The following TBCK variants were observed in gnomAD, a reference collection of about 807,000 sequenced individuals.
The protein encoded by TBCK is TBC domain-containing protein kinase-like protein.
A neutral mutation model predicts 113.4 loss-of-function variants in TBCK; 99 were observed. The ratio of observed to expected loss-of-function variants is 0.87; its 90% CI spans 0.74 to 1.03. The LOEUF is 1.03. Among genes scored for constraint, TBCK ranks in the 50% least tolerant of loss-of-function variants. The pLI, the probability that TBCK is intolerant of heterozygous loss-of-function variation, is 0.00. For synonymous variants in TBCK, 369 were observed against 370.8 expected, an observed-to-expected ratio of 1.00 and a Z score of 0.05; for missense variants, 1,045 against 1,061.3, an observed-to-expected ratio of 0.98 and a Z score of 0.21.
chr4:106,274,542 A>G (rs1763814037), intron 3 of TBCK, among the ~76,000 whole-genome samples: 2 of 152,222 alleles, frequency 1.3e-5, no homozygotes, highest in Non-Finnish European at 2.9e-5. Flanking sequence ...CGAACCTTAA[A>G]AACATTATGC....
chr4:106,124,086 T>A (rs1187451820), intron 23 of TBCK, among the ~76,000 whole-genome samples: 4 of 150,460 alleles, frequency 2.7e-5, no homozygotes, highest in African/African-American at 4.9e-5. Flanking sequence ...GGGAGAAAAT[T>A]TTCGCAACCT....
intron 15 of TBCK, 146 bp downstream of exon 15, chr4:106,235,123 C>T (rs1759301538): frequency 2.2e-6 from 1 of 453,174 alleles, no homozygotes; most frequent in Non-Finnish European, 3.8e-6. Context: ...ATATTCTTTC[C>T]ACTTAAAATT....
At chr4:106,315,324 G>A (rs1768684736) in intron 1 of TBCK, among the ~76,000 whole-genome samples, 1 of 152,104 alleles carries the variant, frequency 6.6e-6, no homozygotes, top group Admixed American at 6.5e-5. Context: ...AGTTTTAAAC[G>A]ACTCGAATGG....
At chr4:106,303,004 A>G (rs754019960) in intron 2 of TBCK, among the ~76,000 whole-genome samples, 8 of 152,208 alleles carry the variant, frequency 5.3e-5, no homozygotes, top group Non-Finnish European at 8.8e-5. Context: ...ATAGTCTACT[A>G]TTAGATATAG....
chr4:106,292,012 A>G (rs1765765385), intron 3 of TBCK, among the ~76,000 whole-genome samples: 1 of 152,230 alleles, frequency 6.6e-6, no homozygotes. Flanking sequence ...TGTTGCTAAT[A>G]AACACCAAAG....
At chr4:106,185,786 G>A in intron 22 of TBCK, among the ~76,000 whole-genome samples, 1 of 151,964 alleles carries the variant, frequency 6.6e-6, no homozygotes, top group East Asian at 1.9e-4. Context: ...ATATGGGTAG[G>A]TTGCGTGCTG....
chr4:106,227,487 T>C (rs972608135), intron 19 of TBCK, among the ~76,000 whole-genome samples: 1 of 151,992 alleles, frequency 6.6e-6, no homozygotes, highest in Non-Finnish European at 1.5e-5. Context: ...CAACCTCTGA[T>C]ACTCTAATTT....
At chr4:106,238,689 C>A (rs1267320437) in intron 12 of TBCK, 1 of 152,138 alleles carries the variant, frequency 6.6e-6, no homozygotes, top group Admixed American at 6.6e-5. Flanking sequence ...AGGCATCATT[C>A]TTCCTCTAAC....
At chr4:106,287,056 G>C (rs1256318604) in intron 3 of TBCK, among the ~76,000 whole-genome samples, 1 of 152,148 alleles carries the variant, frequency 6.6e-6, no homozygotes, top group African/African-American at 2.4e-5. Context: ...CTACCATACT[G>C]ATGACCAGAG....
At chr4:106,252,168 T>C (rs972198178) in intron 5 of TBCK, among the ~76,000 whole-genome samples, 161 bp from the exon 6 acceptor site, 7 of 152,018 alleles carry the variant, frequency 4.6e-5, no homozygotes, top group Admixed American at 1.3e-4. Context: ...TACAGAACTT[T>C]AATGTCAAGG....
At chr4:106,278,920 G>T (rs959173583) in intron 3 of TBCK, among the ~76,000 whole-genome samples, 1 of 151,840 alleles carries the variant, frequency 6.6e-6, no homozygotes, top group African/African-American at 2.4e-5. Flanking sequence ...AAAATAAAAT[G>T]AAACAACAAA....
chr4:106,224,113 T>A (rs962674929), intron 19 of TBCK, among the ~76,000 whole-genome samples: 3 of 152,060 alleles, frequency 2.0e-5, no homozygotes, highest in Non-Finnish European at 2.9e-5. Flanking sequence ...AGTAATTAAA[T>A]TTATTATATC....
At chr4:106,289,767 CAA>C (rs574557805) in intron 3 of TBCK, among the ~76,000 whole-genome samples, 5 of 65,288 alleles carry the variant, frequency 7.7e-5, no homozygotes, top group Non-Finnish European at 6.2e-5. Context: ...GACTCTGTCT[CAA>C]AAAAAAAAAA....
At position 106,287,019 on chromosome 4, in the gene TBCK, C is replaced by T. The variant is rs1335505126; in HGVS notation, c.266+8075G>A. On this transcript the variant is annotated intron_variant, in intron 3 of 25. Transcript: ENST00000394708. Reference sequence around the variant, plus strand: ...AAGTAAAAGAAGGACCATATACAGGCAGAGGGGGAAATGTGGAGATAAGAG... The same window carrying T: ...AAGTAAAAGAAGGACCATATACAGGTAGAGGGGGAAATGTGGAGATAAGAG... 3.9e-5 allele frequency among the ~76,000 whole-genome samples: 6 copies of T among 152,272 alleles called. No homozygotes were observed. The East Asian group carries it at 1.2e-3, about 29-fold the overall frequency.
chr4:106,277,221 T>C lies in TBCK; in HGVS notation c.267-15009A>G, dbSNP rs562766388. 5.3e-5 allele frequency among the ~76,000 whole-genome samples: 8 copies of C among 152,318 alleles called. No individual in the cohort carries two copies. In the South Asian group the frequency reaches 8.3e-4, roughly 16 times the overall value. ...TCCTGGAAAGGATGTGGAGAAATTA[T>C]ATATTGTTGGTGAAAATATGTAAAA... On this transcript the variant is annotated intron_variant, in intron 3 of 25. Transcript: ENST00000394708.
At chr4:106,240,227 C>T (rs1027000357) in intron 12 of TBCK, among the ~76,000 whole-genome samples, 1 of 152,012 alleles carries the variant, frequency 6.6e-6, no homozygotes, top group Non-Finnish European at 1.5e-5. Flanking sequence ...ACCTCTATAA[C>T]TCAATGCAAC....
chr4:106,074,368 A>T (rs2149482235), intron 25 of TBCK, among the ~76,000 whole-genome samples: 1 of 152,362 alleles, frequency 6.6e-6, no homozygotes, highest in Non-Finnish European at 1.5e-5. Context: ...AGTATTTATT[A>T]AATTTACATG....
At chr4:106,291,339 A>G (rs1397552845) in intron 3 of TBCK, among the ~76,000 whole-genome samples, 2 of 152,178 alleles carry the variant, frequency 1.3e-5, no homozygotes, top group African/African-American at 4.8e-5. Flanking sequence ...AAAAAGGGGG[A>G]AAGACCCCAT....
rs544605560 is a variant in TBCK, at chr4:106,202,438, A to G, written c.1861-7684T>C. Among the ~76,000 whole-genome samples the G allele has an allele frequency of 5.9e-5, 9 of 152,136 alleles. No homozygotes were observed. The East Asian group carries it at 1.5e-3, about 26-fold the overall frequency. ...TTTGTGCTAGCCATAGTATTGCACC[A>G]TCTTTCAAGAAGATATGAAAGATGT... On this transcript the variant is annotated intron_variant, in intron 20 of 25. Coordinates refer to ENST00000394708, the MANE Select transcript of TBCK (RefSeq NM_001163435.3).
Sources: gnomAD v4.1 joint callset for allele counts (sites outside exome capture counted in the v4.1 genomes callset) on GRCh38, gnomAD v4.1.1 for gene constraint, MANE v1.5 for transcripts, NCBI Gene and HGNC (gene_info 2026-07-23, HGNC 2026-07-21) for gene names.